The following SVEP1 variants were observed in gnomAD, a reference collection of about 807,000 sequenced individuals.
SVEP1 encodes sushi, von Willebrand factor type A, EGF and pentraxin domain containing 1.
In SVEP1, 164 loss-of-function variants were observed where a neutral mutation model predicts 367.3. The ratio of observed to expected loss-of-function variants is 0.45; its 90% confidence interval spans 0.39 to 0.51. The LOEUF (loss-of-function observed/expected upper bound fraction) is 0.51, where lower values mean the gene tolerates loss of function less well. SVEP1 is among the 20% of genes least tolerant of loss of function. The pLI, the probability that SVEP1 is intolerant of heterozygous loss-of-function variation, is 0.00. For missense variants in SVEP1, 4,117 were observed against 4,425.3 expected (o/e 0.93, Z 1.98); for synonymous variants, 1,666 against 1,611.6 (o/e 1.03, Z -0.81).
At chr9:110,466,476 C>T (rs35188549) in intron 17 of SVEP1, among the ~76,000 whole-genome samples, 1 of 151,962 alleles carries the variant, frequency 6.6e-6, no homozygotes, top group Non-Finnish European at 1.5e-5. Context: ...AAAGAACTGG[C>T]GGCCGGGCAC....
At chr9:110,413,142 A>C (rs2118511302) in intron 36 of SVEP1, among the ~76,000 whole-genome samples, 1 of 141,346 alleles carries the variant, frequency 7.1e-6, no homozygotes, top group Non-Finnish European at 1.5e-5. Flanking sequence ...GAACCAACCC[A>C]AATGTCCAAC....
At chr9:110,554,788 C>G (rs1830336086) in intron 1 of SVEP1, among the ~76,000 whole-genome samples, 1 of 150,516 alleles carries the variant, frequency 6.6e-6, no homozygotes, top group African/African-American at 2.5e-5. Context: ...AGTACACATT[C>G]CAGGGGAAAA....
chr9:110,463,364 C>T (rs1197130809), intron 18 of SVEP1, among the ~76,000 whole-genome samples: 2 of 151,928 alleles, frequency 1.3e-5, no homozygotes, highest in African/African-American at 4.8e-5. Flanking sequence ...GTAAAATGTA[C>T]AAAGAATATA....
intron 16 of SVEP1, among the ~76,000 whole-genome samples, chr9:110,469,978 T>TATTG (rs1435303826): frequency 1.3e-5 from 2 of 152,162 alleles, no homozygotes; most frequent in African/African-American, 4.8e-5. Context: ...CCAACGGAGC[T>TATTG]CTTGGACTAG....
At position 110,406,753 on chromosome 9, in the gene SVEP1, A is replaced by G. The variant is rs577178460; in HGVS notation, c.8847T>C (p.Cys2949=). 109 of 1,614,054 alleles carry G rather than the reference A, an allele frequency of 6.8e-5. 1 individual carries two copies. The South Asian group carries it at 1.1e-3, about 16-fold the overall frequency. Residue 2949 remains cysteine (C), a synonymous_variant, in exon 38 of 48, where the codon TGT becomes TGC. Transcript: ENST00000374469. ...AEIPLCKPVN[C]GPPEDLAHGF... ...CATGGGCAAGATCTTCAGGAGGTCC[A>G]CAGTTGACTGGTTTACAGAGAGGAA...
intron 3 of SVEP1, among the ~76,000 whole-genome samples, chr9:110,532,586 T>C (rs1261484632): frequency 6.6e-6 from 1 of 152,146 alleles, no homozygotes; most frequent in Non-Finnish European, 1.5e-5. Context: ...CATTCAACCC[T>C]AGTAGAATCA....
At chr9:110,490,132 C>T (rs1440468162) in intron 8 of SVEP1, among the ~76,000 whole-genome samples, 1 of 151,868 alleles carries the variant, frequency 6.6e-6, no homozygotes, top group Admixed American at 6.6e-5. Flanking sequence ...TTAGTTTGAC[C>T]CAAACATTTC....
intron 40 of SVEP1, among the ~76,000 whole-genome samples, chr9:110,390,239 GTGTATATATACTTATATAAGTA>G (rs1827622287): frequency 2.0e-5 from 1 of 48,816 alleles, no homozygotes; most frequent in South Asian, 5.9e-4. Context: ...ATATAAGTAT[GTGTATATATACTTATATAAGTA>G]TGTATATATA....
At chr9:110,415,023 T>G (rs1828098053) in intron 36 of SVEP1, among the ~76,000 whole-genome samples, 1 of 151,852 alleles carries the variant, frequency 6.6e-6, no homozygotes, top group Non-Finnish European at 1.5e-5. Context: ...AAAAGGAAAA[T>G]GAGAAACAAA....
chr9:110,428,399 A>AACACAC (rs113743775), intron 35 of SVEP1, among the ~76,000 whole-genome samples: 1,422 of 120,224 alleles, frequency 0.012, 16 homozygotes, highest in African/African-American at 0.042. Context: ...CCTCTGTTTA[A>AACACAC]ACACACACAC....
intron 9 of SVEP1, among the ~76,000 whole-genome samples, chr9:110,485,401 G>C (rs1163885058): frequency 1.3e-5 from 2 of 152,168 alleles, no homozygotes; most frequent in African/African-American, 4.8e-5. Flanking sequence ...ATGGAAACAG[G>C]GAGGGGAACA....
In SVEP1 at chr9:110,496,868, A is replaced by C; in HGVS notation, c.1747T>G (p.Ser583Ala). Reference protein sequence around the residue: ...IEAKTLEQQDSANVTWQIPTA... With the variant: ...IEAKTLEQQDAANVTWQIPTA... ...GGAATCTGCCAGGTAACATTGGCAG[A>C]ATCTTGCTGTTCCAGAGTCTTAGCC... is the stretch of plus-strand genomic sequence containing the variant. Residue 583 changes from serine to alanine, a missense_variant, in exon 8 of 48, where the codon TCT becomes GCT. Ser to Ala is a moderately conservative substitution (Grantham distance 99). Transcript: ENST00000374469. 1 of 1,558,988 alleles carries C rather than the reference A, an allele frequency of 6.4e-7. No individual in the cohort carries two copies. Among genetic ancestry groups the C allele is most frequent in the Non-Finnish European group, 8.7e-7 (1 of 1,149,976 alleles).
At chr9:110,467,842 C>T (rs1194121212) in intron 17 of SVEP1, among the ~76,000 whole-genome samples, 1 of 151,992 alleles carries the variant, frequency 6.6e-6, no homozygotes, top group African/African-American at 2.4e-5. Flanking sequence ...TGCCATGTTG[C>T]CCAGGCTGGC....
intron 22 of SVEP1, 116 bp downstream of exon 22, chr9:110,455,474 A>G: frequency 1.4e-6 from 1 of 723,492 alleles, no homozygotes; most frequent in Non-Finnish European, 2.1e-6. Flanking sequence ...ATGCTTCTTC[A>G]ATATGTTTAT....
chr9:110,433,278 T>C (rs1055565787), intron 30 of SVEP1, among the ~76,000 whole-genome samples: 3 of 149,140 alleles, frequency 2.0e-5, no homozygotes, highest in Non-Finnish European at 3.0e-5. Context: ...ACATAGACAC[T>C]GTTCTAGGTG....
chr9:110,489,856 T>C, intron 8 of SVEP1, 77 bp from the exon 9 acceptor site: 1 of 1,466,172 alleles, frequency 6.8e-7, no homozygotes, highest in Non-Finnish European at 9.1e-7. Context: ...ATATTATTAG[T>C]AATGTTAACA....
intron 3 of SVEP1, among the ~76,000 whole-genome samples, chr9:110,536,750 G>T (rs180931038): frequency 6.6e-6 from 1 of 151,892 alleles, no homozygotes; most frequent in East Asian, 1.9e-4. Context: ...ATAACGTGTA[G>T]GTTTGTTACA....
chr9:110,370,053 C>G (rs1208297428), intron 46 of SVEP1, 37 bp from the exon 47 acceptor site: 2 of 1,572,030 alleles, frequency 1.3e-6, no homozygotes, highest in East Asian at 4.6e-5. Context: ...TTAATTAATA[C>G]TTAGCAATTC....
intron 39 of SVEP1, among the ~76,000 whole-genome samples, chr9:110,402,422 C>T (rs1243627275): frequency 6.6e-6 from 1 of 152,108 alleles, no homozygotes; most frequent in Non-Finnish European, 1.5e-5. Flanking sequence ...TGTCACATTA[C>T]ACAATACTCC....
Sources: gnomAD v4.1 joint callset for allele counts (sites outside exome capture counted in the v4.1 genomes callset) on GRCh38, gnomAD v4.1.1 for gene constraint, MANE v1.5 for transcripts, NCBI Gene and HGNC (gene_info 2026-07-23, HGNC 2026-07-21) for gene names.